The following MIA2 variants were observed in gnomAD, a reference collection of about 807,000 sequenced individuals.
MIA2 encodes MIA SH3 domain ER export factor 2.
Under a neutral mutation model 167.8 loss-of-function variants are expected in MIA2, and 127 were observed. That is an observed-to-expected ratio of 0.76 (90% CI 0.66 to 0.88). MIA2 has a LOEUF of 0.88. Ranked by LOEUF, MIA2 falls within the 40% of genes least tolerant of loss-of-function variation. The probability of loss-of-function intolerance (pLI) is 0.00; values close to 1 mark genes in which losing one functional copy is unlikely to be tolerated. For synonymous variants in MIA2, 552 were observed against 541.9 expected (o/e 1.02, Z -0.26); for missense variants, 1,690 against 1,624.7 (o/e 1.04, Z -0.69).
intron 9 of MIA2, among the ~76,000 whole-genome samples, chr14:39,287,417 C>T (rs568708652): frequency 6.6e-5 from 10 of 151,978 alleles, no homozygotes; most frequent in Middle Eastern, 3.4e-3. Flanking sequence ...TGTGGGCATC[C>T]TTGCTTTGTA....
intron 24 of MIA2, among the ~76,000 whole-genome samples, chr14:39,324,410 A>AG (rs2067053343): frequency 6.6e-6 from 1 of 152,226 alleles, no homozygotes; most frequent in African/African-American, 2.4e-5. Flanking sequence ...GAAAAATGAT[A>AG]GTTTACCTCC....
intron 24 of MIA2, among the ~76,000 whole-genome samples, chr14:39,324,649 C>T (rs1194963901): frequency 6.6e-6 from 1 of 151,528 alleles, no homozygotes; most frequent in Non-Finnish European, 1.5e-5. Flanking sequence ...CTGTGTTGCC[C>T]AGGCTGGAGT....
chr14:39,279,603 A>C (rs2058642504), intron 9 of MIA2, 66 bp downstream of exon 9: 2 of 1,010,248 alleles, frequency 2.0e-6, no homozygotes, highest in Non-Finnish European at 3.0e-6. Flanking sequence ...CACTGTAGGT[A>C]CTTCTGTGTA....
intron 2 of MIA2, 61 bp downstream of exon 2, chr14:39,237,116 T>C (rs779578858): frequency 6.4e-7 from 1 of 1,573,444 alleles, no homozygotes. Flanking sequence ...CAAAGATTCC[T>C]TCCTTTTCTT....
rs781505966 is a variant in MIA2, at chr14:39,276,981, T to C, written c.1935T>C (p.Tyr645=). ...GTATGAGACCAGATTCTAATCTTTATGGTTTTCCATGGGAATTGGTGATAT... is the reference window on the plus strand; with the variant it reads ...GTATGAGACCAGATTCTAATCTTTACGGTTTTCCATGGGAATTGGTGATAT... The part of the protein sequence containing the change: ...PEGMRPDSNL[Y]GFPWELVICA... Residue 645 remains tyrosine (Y), a synonymous_variant, in exon 7 of 29, where the codon TAT becomes TAC. Coordinates refer to ENST00000640607, the MANE Select transcript of MIA2 (RefSeq NM_001329214.4). 8.1e-6 allele frequency: 13 copies of C among 1,613,990 alleles called. No individual in the cohort carries two copies. In the South Asian group the frequency reaches 8.8e-5, roughly 11 times the overall value.
intron 18 of MIA2, among the ~76,000 whole-genome samples, chr14:39,309,590 G>A (rs993912785): frequency 6.6e-6 from 1 of 151,974 alleles, no homozygotes; most frequent in Non-Finnish European, 1.5e-5. Flanking sequence ...ATCCTTCCCT[G>A]GCTACTCTAA....
chr14:39,340,411 G>A (rs1406635185), intron 25 of MIA2, among the ~76,000 whole-genome samples: 3 of 152,146 alleles, frequency 2.0e-5, no homozygotes, highest in African/African-American at 7.2e-5. Context: ...AAATTGATGA[G>A]AACAGTTTTG....
chr14:39,365,355 C>T (rs563760705), intron 23 of MIA2, among the ~76,000 whole-genome samples: 18 of 152,300 alleles, frequency 1.2e-4, no homozygotes, highest in Admixed American at 3.9e-4. Flanking sequence ...CCACTGCACC[C>T]GGCCATTAAA....
intron 6 of MIA2, among the ~76,000 whole-genome samples, chr14:39,258,391 G>A (rs148093639): frequency 1.3e-3 from 195 of 152,200 alleles, no homozygotes; most frequent in African/African-American, 4.3e-3. Flanking sequence ...ATTGATATTT[G>A]TGTATGCTTC....
At chr14:39,336,316 T>C (rs1279031189) in intron 25 of MIA2, among the ~76,000 whole-genome samples, 2 of 152,222 alleles carry the variant, frequency 1.3e-5, no homozygotes, top group East Asian at 3.8e-4. Context: ...AGGTGGAATC[T>C]CATTGTGGTT....
intron 24 of MIA2, among the ~76,000 whole-genome samples, chr14:39,325,252 G>A (rs2067255012): frequency 6.6e-6 from 1 of 151,362 alleles, no homozygotes; most frequent in South Asian, 2.1e-4. Context: ...TTTTAAAGCT[G>A]TTCCTTGAGA....
At chr14:39,256,033 T>C (rs1355821559) in intron 6 of MIA2, among the ~76,000 whole-genome samples, 1 of 152,222 alleles carries the variant, frequency 6.6e-6, no homozygotes, top group African/African-American at 2.4e-5. Flanking sequence ...GAATCAGTTG[T>C]CAACATTTAA....
intron 6 of MIA2, chr14:39,265,338 G>T (rs1037497024): frequency 7.7e-7 from 1 of 1,304,936 alleles, no homozygotes; most frequent in Non-Finnish European, 1.1e-6. Context: ...AGGATATGAG[G>T]TGCCTGGTAG....
intron 23 of MIA2, chr14:39,385,592 C>T: frequency 1.2e-6 from 1 of 809,262 alleles, no homozygotes; most frequent in South Asian, 1.3e-5. Context: ...GAAACAATTT[C>T]TATATCTACT....
intron 23 of MIA2, chr14:39,386,687 A>T (rs2075277406): frequency 1.7e-6 from 2 of 1,154,882 alleles, no homozygotes; most frequent in African/African-American, 1.6e-5. Flanking sequence ...CATTATTGTT[A>T]TTGTTTTCTT....
rs1037410814 is a variant in MIA2 at position 39,290,984 on chromosome 14, G to T, written c.2131-35G>T. On this transcript the variant is annotated intron_variant, in intron 9 of 28. Coordinates refer to ENST00000640607, the MANE Select transcript of MIA2 (RefSeq NM_001329214.4). ...CCAGATAAGATTTAGAATACAATTG[G>T]TAGAGTTTTTACTTGTGATGTTGCT... 2.6e-6 allele frequency: 4 copies of T among 1,550,830 alleles called. No individual in the cohort carries two copies. In the East Asian group the frequency reaches 9.2e-5, roughly 36 times the overall value.
chr14:39,267,366 G>C, intron 6 of MIA2: 10 of 1,587,406 alleles, frequency 6.3e-6, no homozygotes, highest in Non-Finnish European at 8.5e-6. Flanking sequence ...GTGCGGATTC[G>C]GGTTCCGGAC....
intron 23 of MIA2, among the ~76,000 whole-genome samples, chr14:39,361,192 G>T (rs1205824907): frequency 5.3e-5 from 8 of 152,020 alleles, no homozygotes; most frequent in Non-Finnish European, 8.8e-5. Context: ...AAATTATGTT[G>T]GTATTTTGAT....
intron 6 of MIA2, among the ~76,000 whole-genome samples, chr14:39,267,946 G>A (rs1290038083): frequency 6.6e-6 from 1 of 151,280 alleles, no homozygotes; most frequent in Admixed American, 6.6e-5. Flanking sequence ...AAGAACACCT[G>A]AGGTTGGGCG....
Sources: gnomAD v4.1 joint callset for allele counts (sites outside exome capture counted in the v4.1 genomes callset) on GRCh38, gnomAD v4.1.1 for gene constraint, MANE v1.5 for transcripts, NCBI Gene and HGNC (gene_info 2026-07-23, HGNC 2026-07-21) for gene names.